ENOX1: variants seen among roughly 807,000 people sequenced by gnomAD.
ENOX1 encodes the protein candidate growth-related and time keeping constitutive hydroquinone (NADH) oxidase.
Under a neutral mutation model 82.5 loss-of-function variants are expected in ENOX1, and 42 were observed. The observed-to-expected ratio is 0.51, with a 90% CI of 0.40 to 0.66. ENOX1 has a LOEUF of 0.66. Ranked by LOEUF, ENOX1 falls within the 30% of genes least tolerant of loss-of-function variation. The pLI is 0.00. For missense variants in ENOX1, 608 were observed against 811.6 expected (o/e 0.75, Z 3.05); for synonymous variants, 271 against 282.2 (o/e 0.96, Z 0.40).
chr13:43,482,929 C>G (rs551733725), intron 3 of ENOX1, among the ~76,000 whole-genome samples: 43 of 152,236 alleles, frequency 2.8e-4, no homozygotes, highest in Admixed American at 1.1e-3. Flanking sequence ...GTAAATACCC[C>G]CTGCCTCACT....
At chr13:43,253,926 C>T (rs1001778176) in intron 14 of ENOX1, among the ~76,000 whole-genome samples, 4 of 152,146 alleles carry the variant, frequency 2.6e-5, no homozygotes, top group African/African-American at 7.2e-5. Flanking sequence ...GCAGGAATAC[C>T]GTAATTGAGC....
chr13:43,325,633 A>T (rs1023610861), intron 10 of ENOX1, among the ~76,000 whole-genome samples: 3 of 152,244 alleles, frequency 2.0e-5, no homozygotes, highest in African/African-American at 7.2e-5. Context: ...AATGTCATTT[A>T]GAGAACTTTA....
intron 14 of ENOX1, among the ~76,000 whole-genome samples, chr13:43,249,629 A>G (rs142534545): frequency 2.6e-5 from 4 of 152,258 alleles, no homozygotes; most frequent in Non-Finnish European, 4.4e-5. Flanking sequence ...CCACTATCAT[A>G]ATTTTCACCT....
chr13:43,734,911 T>G (rs1232979458), intron 1 of ENOX1, among the ~76,000 whole-genome samples: 1 of 152,144 alleles, frequency 6.6e-6, no homozygotes, highest in Non-Finnish European at 1.5e-5. Flanking sequence ...TACCATAATT[T>G]TACAGATGAG....
intron 12 of ENOX1, among the ~76,000 whole-genome samples, chr13:43,292,330 A>T (rs1269773312): frequency 6.6e-6 from 1 of 152,248 alleles, no homozygotes; most frequent in African/African-American, 2.4e-5. Context: ...AGGATCAAAG[A>T]TAAAGTTAAA....
intron 3 of ENOX1, among the ~76,000 whole-genome samples, chr13:43,470,377 C>CACATATATATGTAAATATATGT (rs1555290142): frequency 3.7e-5 from 1 of 27,038 alleles, no homozygotes. Flanking sequence ...TATATATATA[C>CACATATATATGTAAATATATGT]ATATATATAC....
chr13:43,239,489 G>A (rs1275306974), intron 14 of ENOX1, among the ~76,000 whole-genome samples: 1 of 152,118 alleles, frequency 6.6e-6, no homozygotes, highest in Non-Finnish European at 1.5e-5. Flanking sequence ...TAATAAACTG[G>A]CCTCAAGAAT....
intron 7 of ENOX1, among the ~76,000 whole-genome samples, chr13:43,357,076 G>C (rs1025060820): frequency 6.6e-6 from 1 of 152,180 alleles, no homozygotes; most frequent in African/African-American, 2.4e-5. Context: ...AAATGAAGAA[G>C]AGTTGACTTT....
At chr13:43,339,113 T>C (rs1482030486) in intron 9 of ENOX1, among the ~76,000 whole-genome samples, 1 of 152,212 alleles carries the variant, frequency 6.6e-6, no homozygotes, top group Non-Finnish European at 1.5e-5. Flanking sequence ...AGAACTTTCA[T>C]AAATACGGGC....
At chr13:43,594,076 C>A (rs1404672545) in intron 2 of ENOX1, among the ~76,000 whole-genome samples, 1 of 152,158 alleles carries the variant, frequency 6.6e-6, no homozygotes, top group Non-Finnish European at 1.5e-5. Context: ...TAAACTCTTC[C>A]AAGATGCACA....
At chr13:43,613,501 GTTGT>G (rs1238046699) in intron 2 of ENOX1, among the ~76,000 whole-genome samples, 2 of 151,876 alleles carry the variant, frequency 1.3e-5, no homozygotes, top group African/African-American at 2.4e-5. Flanking sequence ...GACACTAAGA[GTTGT>G]TTATTTGAAA....
chr13:43,781,762 C>T (rs1176160015), intron 1 of ENOX1, among the ~76,000 whole-genome samples: 2 of 152,262 alleles, frequency 1.3e-5, no homozygotes, highest in East Asian at 1.9e-4. Flanking sequence ...CTGCCCGCCT[C>T]GACCTCTCAA....
intron 3 of ENOX1, among the ~76,000 whole-genome samples, chr13:43,441,330 C>A (rs1404049235): frequency 2.6e-5 from 4 of 152,176 alleles, no homozygotes; most frequent in Admixed American, 1.3e-4. Context: ...AAATTACATT[C>A]TACTAAGCTA....
chr13:43,758,714 C>T (rs1162981774), intron 1 of ENOX1, among the ~76,000 whole-genome samples: 1 of 152,146 alleles, frequency 6.6e-6, no homozygotes, highest in Non-Finnish European at 1.5e-5. Context: ...TGGCTTTGGG[C>T]AGGTTACTAA....
chr13:43,540,579 T>A (rs2078662523), intron 2 of ENOX1, among the ~76,000 whole-genome samples: 1 of 151,904 alleles, frequency 6.6e-6, no homozygotes, highest in Non-Finnish European at 1.5e-5. Flanking sequence ...GCTTGGTGAG[T>A]TTAAGGAATG....
chr13:43,743,544 C>T (rs1273397472), intron 1 of ENOX1, among the ~76,000 whole-genome samples: 1 of 152,144 alleles, frequency 6.6e-6, no homozygotes, highest in Non-Finnish European at 1.5e-5. Flanking sequence ...ATGGTCAAGG[C>T]ACAACTTGAA....
At chr13:43,259,837 C>G (rs760737475) in intron 14 of ENOX1, among the ~76,000 whole-genome samples, 12 of 152,256 alleles carry the variant, frequency 7.9e-5, no homozygotes, top group Non-Finnish European at 1.6e-4. Flanking sequence ...ATATTTGTCC[C>G]TTTCTGCTTT....
At chr13:43,240,022 CTT>C (rs896408073) in intron 14 of ENOX1, among the ~76,000 whole-genome samples, 1 of 152,064 alleles carries the variant, frequency 6.6e-6, no homozygotes, top group East Asian at 1.9e-4. Flanking sequence ...TACCCTCTCT[CTT>C]TGTTTTTATT....
At chr13:43,545,945 C>A (rs192509151) in intron 2 of ENOX1, 3 of 152,294 alleles carry the variant, frequency 2.0e-5, no homozygotes, top group African/African-American at 7.2e-5. Flanking sequence ...GATAGGTTGG[C>A]ATTTTCTCTG....
Sources: gnomAD v4.1 joint callset for allele counts (sites outside exome capture counted in the v4.1 genomes callset) on GRCh38, gnomAD v4.1.1 for gene constraint, MANE v1.5 for transcripts, NCBI Gene and HGNC (gene_info 2026-07-23, HGNC 2026-07-21) for gene names.